AGBL4: variants seen among roughly 807,000 people sequenced by gnomAD.
AGBL4 encodes the protein AGBL carboxypeptidase 4, also known as cytosolic carboxypeptidase 6.
A neutral mutation model predicts 66.4 loss-of-function variants in AGBL4; 58 were observed. The ratio of observed to expected loss-of-function variants is 0.87; its 90% CI spans 0.71 to 1.09. AGBL4 has a LOEUF of 1.09. AGBL4 is among the 50% of genes least tolerant of loss of function. AGBL4 has a pLI of 0.00. For missense variants in AGBL4, 579 were observed against 631.0 expected, an observed-to-expected ratio of 0.92 and a Z score of 0.88; for synonymous variants, 234 against 222.9, an observed-to-expected ratio of 1.05 and a Z score of -0.44.
At chr1:48,846,484 T>C (rs1011720329) in intron 6 of AGBL4, among the ~76,000 whole-genome samples, 1 of 152,204 alleles carries the variant, frequency 6.6e-6, no homozygotes, top group Non-Finnish European at 1.5e-5. Context: ...TCCTGCCTGC[T>C]TCACACTGAC....
At chr1:49,794,278 T>C (rs1037942722) in intron 2 of AGBL4, among the ~76,000 whole-genome samples, 23 of 151,912 alleles carry the variant, frequency 1.5e-4, no homozygotes, top group Admixed American at 1.4e-3. Flanking sequence ...CTCTCACTTA[T>C]AAGTTCTCCC....
chr1:49,936,064 A>C (rs911607981), intron 1 of AGBL4, among the ~76,000 whole-genome samples: 1 of 152,192 alleles, frequency 6.6e-6, no homozygotes, highest in African/African-American at 2.4e-5. Context: ...ATTCAAACCA[A>C]AGGCAAAGAA....
chr1:49,204,901 C>T (rs1227498108), intron 4 of AGBL4, among the ~76,000 whole-genome samples: 1 of 152,110 alleles, frequency 6.6e-6, no homozygotes, highest in Non-Finnish European at 1.5e-5. Context: ...TTTCTAATGA[C>T]ATCATAGATT....
chr1:48,651,691 T>G (rs1645933076), intron 8 of AGBL4, among the ~76,000 whole-genome samples: 3 of 152,186 alleles, frequency 2.0e-5, no homozygotes, highest in African/African-American at 7.2e-5. Flanking sequence ...GGGCTCTCTC[T>G]AACTCACACC....
chr1:49,906,220 A>G (rs1243607310), intron 1 of AGBL4, among the ~76,000 whole-genome samples: 1 of 151,810 alleles, frequency 6.6e-6, no homozygotes, highest in African/African-American at 2.4e-5. Flanking sequence ...TATTTAGGAA[A>G]TAGTATTTAT....
chr1:49,808,485 T>C (rs1645024180), intron 2 of AGBL4, among the ~76,000 whole-genome samples: 1 of 152,172 alleles, frequency 6.6e-6, no homozygotes, highest in Admixed American at 6.6e-5. Context: ...AGTCAGTTAA[T>C]AAATATAATA....
At chr1:49,030,820 CAAAAAAAAA>C (rs34872551) in intron 5 of AGBL4, among the ~76,000 whole-genome samples, 1 of 62,084 alleles carries the variant, frequency 1.6e-5, no homozygotes, top group African/African-American at 6.2e-5. Context: ...TAAGTAGAGG[CAAAAAAAAA>C]AAAAAAAAGG....
chr1:48,647,716 G>A (rs930075912), intron 8 of AGBL4: 14 of 385,524 alleles, frequency 3.6e-5, no homozygotes, highest in Non-Finnish European at 4.6e-5. Flanking sequence ...AGAAAGCGCC[G>A]TGGGGTATAG....
At chr1:48,610,976 C>T (rs1372438784) in intron 9 of AGBL4, among the ~76,000 whole-genome samples, 2 of 152,204 alleles carry the variant, frequency 1.3e-5, no homozygotes, top group African/African-American at 4.8e-5. Context: ...GCAGCTGGGT[C>T]CTGAGCCAGT....
At chr1:49,389,209 T>C in intron 3 of AGBL4, among the ~76,000 whole-genome samples, 1 of 152,072 alleles carries the variant, frequency 6.6e-6, no homozygotes, top group East Asian at 1.9e-4. Context: ...TATCATAGAC[T>C]TGCTAGCCTG....
chr1:49,813,308 G>T (rs1053964346), intron 2 of AGBL4, among the ~76,000 whole-genome samples: 12 of 152,196 alleles, frequency 7.9e-5, no homozygotes, highest in Non-Finnish European at 8.8e-5. Flanking sequence ...AATATAGAAT[G>T]CCACATCACT....
intron 3 of AGBL4, among the ~76,000 whole-genome samples, chr1:49,252,867 T>G (rs531879448): frequency 6.6e-6 from 1 of 152,234 alleles, no homozygotes; most frequent in East Asian, 1.9e-4. Context: ...CTGAGGAAAT[T>G]TGGTACTACC....
At chr1:48,534,967 A>T (rs899540115) in intron 12 of AGBL4, 51 bp from the exon 13 acceptor site, 10 of 1,513,186 alleles carry the variant, frequency 6.6e-6, no homozygotes, top group Middle Eastern at 1.7e-4. Context: ...GCTCTAGTAA[A>T]TGGAAGTTGA....
intron 5 of AGBL4, among the ~76,000 whole-genome samples, chr1:48,875,519 C>T (rs1389591753): frequency 6.6e-6 from 1 of 152,154 alleles, no homozygotes; most frequent in East Asian, 1.9e-4. Context: ...CTCAGCTGCA[C>T]ATGTGAGATT....
At chr1:49,379,793 G>GCC (rs1644555619) in intron 3 of AGBL4, among the ~76,000 whole-genome samples, 1 of 152,006 alleles carries the variant, frequency 6.6e-6, no homozygotes, top group Non-Finnish European at 1.5e-5. Flanking sequence ...GTATTTTATT[G>GCC]AGGATTTTTG....
At chr1:49,931,490 C>A (rs2148265068) in intron 1 of AGBL4, among the ~76,000 whole-genome samples, 1 of 152,138 alleles carries the variant, frequency 6.6e-6, no homozygotes. Flanking sequence ...AGAGAGAGAG[C>A]AAGACGGGGG....
intron 5 of AGBL4, among the ~76,000 whole-genome samples, chr1:48,967,881 A>G (rs1053131026): frequency 3.9e-5 from 6 of 152,088 alleles, no homozygotes; most frequent in Admixed American, 1.3e-4. Context: ...AAACACAGCC[A>G]CTCATCTCAG....
intron 3 of AGBL4, among the ~76,000 whole-genome samples, chr1:49,348,914 T>G (rs945233148): frequency 1.7e-4 from 26 of 152,206 alleles, no homozygotes; most frequent in Non-Finnish European, 3.2e-4. Flanking sequence ...GGGTAAATAG[T>G]GAAAATAAGT....
chr1:50,020,075 G>A (rs922711921), intron 1 of AGBL4, among the ~76,000 whole-genome samples: 4 of 151,814 alleles, frequency 2.6e-5, no homozygotes, highest in African/African-American at 4.8e-5. Context: ...GATATCTTAA[G>A]TGTCCCTTAT....
Sources: gnomAD v4.1 joint callset for allele counts (sites outside exome capture counted in the v4.1 genomes callset) on GRCh38, gnomAD v4.1.1 for gene constraint, MANE v1.5 for transcripts, NCBI Gene and HGNC (gene_info 2026-07-23, HGNC 2026-07-21) for gene names.